Variants in LMTK2 observed in about 807,000 individuals in gnomAD.
LMTK2 encodes the protein lemur tail kinase 2.
LMTK2 carries 37 observed loss-of-function variants against 127.5 expected under a neutral mutation model. That is an observed-to-expected ratio of 0.29 (90% CI 0.22 to 0.38). The LOEUF (loss-of-function observed/expected upper bound fraction) is 0.38. Among genes scored for constraint, LMTK2 ranks in the 10% least tolerant of loss-of-function variants. The probability of loss-of-function intolerance (pLI) is 1.00; values close to 1 mark genes in which losing one functional copy is unlikely to be tolerated. For missense variants in LMTK2, 1,694 were observed against 1,920.3 expected (o/e 0.88, Z 2.20); for synonymous variants, 819 against 810.1 (o/e 1.01, Z -0.19).
chr7:98,122,827 C>A (rs1796385210), intron 1 of LMTK2, among the ~76,000 whole-genome samples: 1 of 151,826 alleles, frequency 6.6e-6, no homozygotes, highest in Non-Finnish European at 1.5e-5. Flanking sequence ...CTGCATAACA[C>A]TTTTAAACAT....
Position 98,154,743 on chromosome 7 carries a change from G to C in LMTK2, c.451-15G>C, listed in dbSNP as rs763179716. The C allele has an allele frequency of 7.6e-5, 115 of 1,522,814 alleles. 1 individual carries two copies. The highest frequency in any genetic ancestry group is 3.4e-4 in the Middle Eastern group (2 of 5,870). The allele number at this position is 1,522,814 out of a possible 1,614,324, so 94.3% of individuals were successfully genotyped here. A position where few individuals can be genotyped will look rare whatever the true frequency, so the allele number is the denominator to read the frequency against. On this transcript the variant is annotated splice_polypyrimidine_tract_variant and intron_variant, in intron 4 of 13. Coordinates refer to ENST00000297293, the MANE Select transcript of LMTK2 (RefSeq NM_014916.4). The stretch of plus-strand genomic sequence containing the variant: ...TTTGATGGAAATGACACAAAAAACT[G>C]TTCTTTGATTTTAGGTTCTCTTGGG...
rs1167290767 is a variant in LMTK2, at chr7:98,120,844, A to G, written c.103+13564A>G. On this transcript the variant is annotated intron_variant, in intron 1 of 13. Coordinates refer to ENST00000297293, the MANE Select transcript of LMTK2 (RefSeq NM_014916.4). ...CTGGTAAGGCACTGAAAAATAACCA[A>G]CTTACCAAAATAGCCCCCTGGGAAC... Among the ~76,000 whole-genome samples the G allele has an allele frequency of 3.3e-5, 5 of 152,136 alleles. No homozygotes were observed. The East Asian group carries it at 9.7e-4, about 29-fold the overall frequency.
At chr7:98,141,295 G>A in intron 2 of LMTK2, 102 bp from the exon 3 acceptor site, 1 of 1,154,780 alleles carries the variant, frequency 8.7e-7, no homozygotes, top group South Asian at 1.4e-5. Flanking sequence ...GTACAAACTG[G>A]AAAAAAATAA....
chr7:98,123,230 T>G (rs1796393163), intron 1 of LMTK2, among the ~76,000 whole-genome samples: 1 of 152,176 alleles, frequency 6.6e-6, no homozygotes, highest in Non-Finnish European at 1.5e-5. Context: ...ATGACAAGGA[T>G]TTATATATTC....
intron 11 of LMTK2, among the ~76,000 whole-genome samples, chr7:98,203,312 G>A (rs936610851): frequency 2.6e-5 from 4 of 152,228 alleles, no homozygotes; most frequent in East Asian, 1.9e-4. Context: ...GAGCACTGCC[G>A]CTCGTGCCCG....
rs1797818405 is a variant in LMTK2 at position 98,207,176 on chromosome 7, C to T, written c.*1684C>T. On this transcript the variant is annotated 3_prime_UTR_variant, in exon 14 of 14. Coordinates refer to ENST00000297293, the MANE Select transcript of LMTK2 (RefSeq NM_014916.4). ...CTTGGGCCTGCAGTCCCCTCATACT[C>T]ACCCTTCACCCAACATATTTTCCGG... 1 of 152,336 alleles carries T rather than the reference C, an allele frequency of 6.6e-6. No individual in the cohort carries two copies. The highest frequency in any genetic ancestry group is 2.4e-5 in the African/African-American group (1 of 41,434). 9.4% of individuals were successfully genotyped at this position (152,336 alleles called of 1,614,324 possible). A position where few individuals can be genotyped will look rare whatever the true frequency, so the allele number is the denominator to read the frequency against.
chr7:98,149,144 G>T (rs539457823), intron 3 of LMTK2, among the ~76,000 whole-genome samples: 37 of 152,346 alleles, frequency 2.4e-4, no homozygotes, highest in Middle Eastern at 3.4e-3. Context: ...GCCACTTGTG[G>T]CAGTTCCTCA....
chr7:98,134,143 T>C (rs1448970983), intron 1 of LMTK2, among the ~76,000 whole-genome samples: 1 of 152,204 alleles, frequency 6.6e-6, no homozygotes, highest in African/African-American at 2.4e-5. Flanking sequence ...CCACCTGGGT[T>C]CATGGGCATA....
chr7:98,150,410 C>T (rs1003833247), intron 3 of LMTK2, among the ~76,000 whole-genome samples: 1 of 151,986 alleles, frequency 6.6e-6, no homozygotes, highest in Non-Finnish European at 1.5e-5. Context: ...GGCAAAGAGA[C>T]GGAGCAACTG....
In LMTK2 at chr7:98,154,781, G is replaced by A. The variant is rs142027954; in HGVS notation, c.474G>A (p.Thr158=). The A allele has an allele frequency of 8.7e-6, 14 of 1,612,000 alleles. No individual in the cohort carries two copies. The highest frequency in any genetic ancestry group is 5.5e-5 in the South Asian group (5 of 91,000). The change falls in exon 5 of 14, where the codon ACG becomes ACA. Residue 158 remains threonine, a synonymous_variant. Transcript: ENST00000297293. Reference sequence around the variant, plus strand: ...AGGTTCTCTTGGGAGAGATTTACACGGGCACTAGCGTAGCAAGAGTCATCG... The same window carrying A: ...AGGTTCTCTTGGGAGAGATTTACACAGGCACTAGCGTAGCAAGAGTCATCG... The part of the protein sequence containing the change: ...FGKVLLGEIY[T]GTSVARVIVK...
At chr7:98,107,663 A>G (rs894375050) in intron 1 of LMTK2, among the ~76,000 whole-genome samples, 2 of 152,152 alleles carry the variant, frequency 1.3e-5, no homozygotes, top group Non-Finnish European at 2.9e-5. Context: ...ACCGTTTCTT[A>G]GCCCTAATCA....
At chr7:98,145,685 C>T (rs973043425) in intron 3 of LMTK2, among the ~76,000 whole-genome samples, 1 of 152,052 alleles carries the variant, frequency 6.6e-6, no homozygotes, top group African/African-American at 2.4e-5. Context: ...TATTTCTTTT[C>T]CCAATACCAT....
intron 13 of LMTK2, among the ~76,000 whole-genome samples, chr7:98,205,110 AAAT>A (rs1397629780): frequency 2.0e-5 from 3 of 152,262 alleles, no homozygotes; most frequent in Non-Finnish European, 4.4e-5. Flanking sequence ...TTTACAGATC[AAAT>A]AATAAATATG....
At chr7:98,184,960 C>A in intron 7 of LMTK2, 91 bp from the exon 8 acceptor site, 2 of 880,528 alleles carry the variant, frequency 2.3e-6, no homozygotes, top group Admixed American at 1.8e-5. Context: ...TTACTCGGAT[C>A]CCGAGAGAAA....
chr7:98,154,797 A>G lies in LMTK2; in HGVS notation c.490A>G (p.Arg164Gly). 1.2e-6 allele frequency: 2 copies of G among 1,613,884 alleles called. No individual in the cohort carries two copies. The highest frequency in any genetic ancestry group is 1.7e-6 in the Non-Finnish European group (2 of 1,179,740). ...GEIYTGTSVA[R>G]VIVKELKASA... ...GATTTACACGGGCACTAGCGTAGCA[A>G]GAGTCATCGTGAAGGAGTTAAAAGC... is the stretch of plus-strand genomic sequence containing the variant. The change falls in exon 5 of 14, where the codon AGA (arginine) becomes GGA (glycine). Residue 164 changes from arginine (R) to glycine (G), a missense_variant. Physicochemically the swap from Arg to Gly is moderately radical, Grantham distance 125. Transcript: ENST00000297293.
At position 98,127,795 on chromosome 7, in the gene LMTK2, A is replaced by G. The variant is rs1796464279; in HGVS notation, c.104-9520A>G. On this transcript the variant is annotated intron_variant, in intron 1 of 13. Transcript: ENST00000297293. The stretch of plus-strand genomic sequence containing the variant: ...TGGTTATTACACTTTGTATGCCTGT[A>G]TCAGAGCGTCACACATACGCCATAA... Among the ~76,000 whole-genome samples, 3 of 152,230 alleles carry G rather than the reference A, an allele frequency of 2.0e-5. No homozygotes were observed. In the South Asian group the frequency reaches 6.2e-4, roughly 31 times the overall value.
At chr7:98,201,006 A>G (rs1797697402) in intron 11 of LMTK2, among the ~76,000 whole-genome samples, 1 of 152,080 alleles carries the variant, frequency 6.6e-6, no homozygotes, top group Admixed American at 6.5e-5. Context: ...TAATTAAAGA[A>G]ATTTAACTAG....
At chr7:98,142,601 A>G (rs1465133483) in intron 3 of LMTK2, among the ~76,000 whole-genome samples, 4 of 152,228 alleles carry the variant, frequency 2.6e-5, no homozygotes, top group East Asian at 3.8e-4. Flanking sequence ...TACTTAAGAA[A>G]AACCTGGAGA....
At position 98,193,819 on chromosome 7, in the gene LMTK2, G is replaced by T; in HGVS notation, c.3354G>T (p.Glu1118Asp). 6.2e-7 allele frequency: 1 copy of T among 1,613,996 alleles called. No individual in the cohort carries two copies. Among genetic ancestry groups the T allele is most frequent in the Non-Finnish European group, 8.5e-7 (1 of 1,180,006 alleles). The change falls in exon 11 of 14, where the codon GAG becomes GAT. Residue 1118 changes from glutamate to aspartate, a missense_variant. Coordinates refer to ENST00000297293, the MANE Select transcript of LMTK2 (RefSeq NM_014916.4). The surrounding 1 kb of genome is among the most constrained non-coding windows in gnomAD (Gnocchi z 4.1). ...ACTCTGAGCCCGAGAAAAGGTCTGA[G>T]GAGGTCCCGGGAACCTCCCCATCCG... The part of the protein sequence containing the change: ...DNDSEPEKRS[E>D]EVPGTSPSAL...
Sources: allele counts gnomAD v4.1 joint callset (sites outside exome capture counted in the v4.1 genomes callset), GRCh38; gene constraint gnomAD v4.1.1; non-coding constraint Gnocchi (gnomAD v3.1); transcripts MANE v1.5; gene names NCBI Gene and HGNC (gene_info 2026-07-23, HGNC 2026-07-21).